Variants in SOX5 observed in about 807,000 individuals in gnomAD.
The protein encoded by SOX5 is transcription factor SOX-5.
Under a neutral mutation model 92.0 loss-of-function variants are expected in SOX5, and 9 were observed. The observed-to-expected ratio is 0.10, with a 90% CI of 0.06 to 0.17. The LOEUF is 0.17. Among genes scored for constraint, SOX5 ranks in the 10% least tolerant of loss-of-function variants. SOX5 has a pLI of 1.00. For missense variants in SOX5, 642 were observed against 944.5 expected (o/e 0.68, Z 4.20); for synonymous variants, 344 against 336.3 (o/e 1.02, Z -0.25).
intron 1 of SOX5, among the ~76,000 whole-genome samples, chr12:24,416,650 G>A (rs1474976344): frequency 6.6e-6 from 1 of 152,228 alleles, no homozygotes; most frequent in Non-Finnish European, 1.5e-5. Context: ...GTATTCTCAA[G>A]AGGGCTGCTA....
At chr12:23,564,720 G>A (rs147220637) in intron 10 of SOX5, among the ~76,000 whole-genome samples, 104 of 152,316 alleles carry the variant, frequency 6.8e-4, no homozygotes, top group African/African-American at 2.3e-3. Flanking sequence ...GCTAACTGCC[G>A]TGTTAGGAAA....
At chr12:23,886,039 A>T (rs2097060332) in intron 2 of SOX5, among the ~76,000 whole-genome samples, 1 of 152,152 alleles carries the variant, frequency 6.6e-6, no homozygotes, top group Non-Finnish European at 1.5e-5. Flanking sequence ...AATTTACCTA[A>T]TGTACCACCA....
At chr12:24,348,172 A>G (rs1953573425) in intron 2 of SOX5, among the ~76,000 whole-genome samples, 1 of 151,828 alleles carries the variant, frequency 6.6e-6, no homozygotes, top group South Asian at 2.1e-4. Context: ...TGTGCCAATT[A>G]CCAGTTTCAA....
intron 1 of SOX5, among the ~76,000 whole-genome samples, chr12:24,406,329 G>A (rs1238854548): frequency 6.6e-5 from 10 of 152,154 alleles, no homozygotes; most frequent in Admixed American, 6.5e-5. Context: ...TTGAAGCTGC[G>A]TGGGTCCATC....
chr12:23,970,995 A>G (rs1180132455), intron 4 of SOX5, among the ~76,000 whole-genome samples: 1 of 148,358 alleles, frequency 6.7e-6, no homozygotes, highest in Non-Finnish European at 1.5e-5. Context: ...GAACCATCAC[A>G]CTGTTTTCCA....
intron 2 of SOX5, among the ~76,000 whole-genome samples, chr12:24,293,053 C>A (rs1213431145): frequency 1.3e-5 from 2 of 152,086 alleles, no homozygotes; most frequent in African/African-American, 4.8e-5. Context: ...GTGAGATATA[C>A]TGACATCACA....
intron 3 of SOX5, among the ~76,000 whole-genome samples, chr12:23,783,281 G>A (rs1470622254): frequency 1.3e-5 from 2 of 152,048 alleles, no homozygotes; most frequent in Admixed American, 6.6e-5. Context: ...AATTTAATGT[G>A]GAATGAAAGT....
chr12:24,096,866 G>T (rs1189275870), intron 4 of SOX5, among the ~76,000 whole-genome samples: 1 of 152,044 alleles, frequency 6.6e-6, no homozygotes. Context: ...GTCTGTGTAT[G>T]TTCATTTTTC....
At chr12:23,930,858 T>C (rs533234493) in intron 1 of SOX5, among the ~76,000 whole-genome samples, 1 of 151,772 alleles carries the variant, frequency 6.6e-6, no homozygotes, top group East Asian at 1.9e-4. Context: ...AATGTATCAT[T>C]CTTTGCTTTC....
intron 4 of SOX5, among the ~76,000 whole-genome samples, chr12:24,149,973 G>C (rs1248897645): frequency 6.6e-6 from 1 of 152,064 alleles, no homozygotes; most frequent in African/African-American, 2.4e-5. Flanking sequence ...TAAAATTCTA[G>C]AAAATGCAAA....
At chr12:23,703,892 A>C (rs2091014170) in intron 6 of SOX5, among the ~76,000 whole-genome samples, 1 of 151,984 alleles carries the variant, frequency 6.6e-6, no homozygotes, top group African/African-American at 2.4e-5. Context: ...GAATGTTAAG[A>C]GCAAACTGCA....
rs183387760 is a variant in SOX5 at position 23,958,611 on chromosome 12, C to T, written c.-1-62587G>A. Reference sequence around the variant, plus strand: ...TGAACCAAAGTCTTTTGATTACAAACCTAGTGTCTATTTCACTAGGAATTG... The same window carrying T: ...TGAACCAAAGTCTTTTGATTACAAATCTAGTGTCTATTTCACTAGGAATTG... On this transcript the variant is annotated intron_variant, in intron 4 of 4. Coordinates refer to the SOX5 transcript ENST00000446891. Among the ~76,000 whole-genome samples, 511 of 151,820 alleles carry T rather than the reference C, an allele frequency of 3.4e-3. 7 individuals are homozygous for T. The highest frequency in any genetic ancestry group is 0.012 in the African/African-American group (486 of 41,470).
At chr12:24,060,820 CA>C (rs1372133229) in intron 4 of SOX5, among the ~76,000 whole-genome samples, 1 of 152,072 alleles carries the variant, frequency 6.6e-6, no homozygotes, top group Non-Finnish European at 1.5e-5. Context: ...ACCACATGGA[CA>C]AAGGTTGCTT....
At chr12:23,730,824 C>T (rs1181324143) in intron 6 of SOX5, among the ~76,000 whole-genome samples, 1 of 152,066 alleles carries the variant, frequency 6.6e-6, no homozygotes, top group Non-Finnish European at 1.5e-5. Context: ...ATTAAAAAGG[C>T]CAAGAGAAAC....
intron 3 of SOX5, among the ~76,000 whole-genome samples, chr12:23,789,296 T>C (rs973946299): frequency 9.9e-5 from 15 of 152,040 alleles, no homozygotes; most frequent in African/African-American, 3.6e-4. Context: ...GTGCTTAACA[T>C]ATATTTTAAT....
rs58736325 is a variant in SOX5, at chr12:24,082,404, GAAAAAAAAAAAAAAAAAAAA to G, written c.-2+130919_-2+130938del. On this transcript the variant is annotated intron_variant, in intron 4 of 4. Coordinates refer to the SOX5 transcript ENST00000446891. ...TCACCAGGGCTGCTCCTTTCGAAAAGAAAAAAAAAAAAAAAAAAAAAAAAAAAAAAGATGTATCCAGAGCC... is the reference window on the plus strand; with the variant it reads ...TCACCAGGGCTGCTCCTTTCGAAAAGAAAAAAAAAAGATGTATCCAGAGCC... Among the ~76,000 whole-genome samples, 10 of 73,458 alleles carry G rather than the reference GAAAAAAAAAAAAAAAAAAAA, an allele frequency of 1.4e-4. No homozygotes were observed. In the Admixed American group the frequency reaches 2.0e-3, roughly 15 times the overall value. The allele number at this position is 73,458 out of a possible 152,430, so 48.2% of individuals were successfully genotyped here. A position where few individuals can be genotyped will look rare whatever the true frequency, so the allele number is the denominator to read the frequency against.
chr12:24,107,549 A>G (rs1296487761), intron 4 of SOX5, among the ~76,000 whole-genome samples: 1 of 152,186 alleles, frequency 6.6e-6, no homozygotes, highest in African/African-American at 2.4e-5. Context: ...ACAAACAAAC[A>G]AACAAACATA....
intron 3 of SOX5, among the ~76,000 whole-genome samples, chr12:24,247,957 A>G (rs1939218430): frequency 6.6e-6 from 1 of 152,048 alleles, no homozygotes; most frequent in Non-Finnish European, 1.5e-5. Context: ...CCCAGCCAGC[A>G]ATGGTCTCTT....
chr12:24,137,506 C>T (rs781533991), intron 4 of SOX5, among the ~76,000 whole-genome samples: 1 of 152,122 alleles, frequency 6.6e-6, no homozygotes, highest in Non-Finnish European at 1.5e-5. Flanking sequence ...GTGGCGCGCA[C>T]CTGTAATCCC....
Sources: allele counts gnomAD v4.1 joint callset (sites outside exome capture counted in the v4.1 genomes callset), GRCh38; gene constraint gnomAD v4.1.1; transcripts MANE v1.5; gene names NCBI Gene and HGNC (gene_info 2026-07-23, HGNC 2026-07-21).